Variants in ADARB2 observed in about 807,000 individuals in gnomAD.
ADARB2 encodes the protein adenosine deaminase RNA specific B2 (inactive).
A neutral mutation model predicts 62.2 loss-of-function variants in ADARB2; 25 were observed. That is an observed-to-expected ratio of 0.40 (90% CI 0.29 to 0.56). The LOEUF (loss-of-function observed/expected upper bound fraction) is 0.56. Among genes scored for constraint, ADARB2 ranks in the 20% least tolerant of loss-of-function variants. The pLI, the probability that ADARB2 is intolerant of heterozygous loss-of-function variation, is 0.43. For missense variants in ADARB2, 1,071 were observed against 1,077.4 expected, an observed-to-expected ratio of 0.99 and a Z score of 0.08; for synonymous variants, 572 against 500.8, an observed-to-expected ratio of 1.14 and a Z score of -1.90.
chr10:1,596,409 T>C (rs1470398459), intron 1 of ADARB2, among the ~76,000 whole-genome samples: 1 of 152,204 alleles, frequency 6.6e-6, no homozygotes, highest in Non-Finnish European at 1.5e-5. Context: ...TACTGCTCTA[T>C]AAATGATTTA....
chr10:1,668,364 A>C (rs1456622229), intron 1 of ADARB2, among the ~76,000 whole-genome samples: 1 of 152,212 alleles, frequency 6.6e-6, no homozygotes, highest in Non-Finnish European at 1.5e-5. Context: ...CAGTCAAAAT[A>C]CACTTCTCAA....
chr10:1,501,444 A>C (rs1831767541), intron 1 of ADARB2, among the ~76,000 whole-genome samples: 1 of 152,222 alleles, frequency 6.6e-6, no homozygotes, highest in Non-Finnish European at 1.5e-5. Context: ...TAAATTGCAG[A>C]GTACTGGGCC....
At chr10:1,434,451 T>C (rs1283113342) in intron 1 of ADARB2, among the ~76,000 whole-genome samples, 2 of 152,172 alleles carry the variant, frequency 1.3e-5, no homozygotes, top group East Asian at 3.9e-4. Context: ...TGTTTCAGTA[T>C]TGACTGGGTG....
intron 4 of ADARB2, among the ~76,000 whole-genome samples, chr10:1,263,755 C>T (rs995048222): frequency 6.6e-6 from 1 of 152,194 alleles, no homozygotes; most frequent in Non-Finnish European, 1.5e-5. Context: ...GGCTGCCAGT[C>T]CTCTCCTTAG....
intron 3 of ADARB2, among the ~76,000 whole-genome samples, chr10:1,319,716 G>T (rs898850582): frequency 2.6e-5 from 4 of 152,154 alleles, no homozygotes; most frequent in African/African-American, 9.7e-5. Flanking sequence ...GAATGCCAAG[G>T]CATTCTGTGC....
intron 1 of ADARB2, among the ~76,000 whole-genome samples, chr10:1,458,336 G>A (rs1462002939): frequency 6.6e-6 from 1 of 151,138 alleles, no homozygotes; most frequent in Non-Finnish European, 1.5e-5. Context: ...GGAGAAGAAG[G>A]AAAGGTCCCA....
At chr10:1,239,980 TC>T in intron 5 of ADARB2, among the ~76,000 whole-genome samples, 1 of 15,318 alleles carries the variant, frequency 6.5e-5, no homozygotes, top group African/African-American at 5.2e-4. Flanking sequence ...CGGTGTTCAC[TC>T]CCCTCTGCCT....
At chr10:1,303,964 A>G (rs1339861885) in intron 3 of ADARB2, among the ~76,000 whole-genome samples, 2 of 152,346 alleles carry the variant, frequency 1.3e-5, no homozygotes, top group East Asian at 3.9e-4. Flanking sequence ...AAACTGCATC[A>G]ACTAATGAGC....
intron 1 of ADARB2, among the ~76,000 whole-genome samples, chr10:1,567,324 C>T (rs1832871846): frequency 6.6e-6 from 1 of 152,246 alleles, no homozygotes; most frequent in African/African-American, 2.4e-5. Flanking sequence ...TGCTCTTTCT[C>T]CCAACGTGCT....
At chr10:1,597,995 T>C (rs1217127354) in intron 1 of ADARB2, among the ~76,000 whole-genome samples, 1 of 152,192 alleles carries the variant, frequency 6.6e-6, no homozygotes, top group Non-Finnish European at 1.5e-5. Context: ...CTGGAGACCA[T>C]TGTCCTAAGA....
In ADARB2 at chr10:1,340,169, A is replaced by G. The variant is rs36020731; in HGVS notation, c.1077+22859T>C. ...TAACCAGCATCCACCAGAGAACCAC[A>G]CACCCCACAGCGGCAATAACCGGCA... On this transcript the variant is annotated intron_variant, in intron 3 of 9. Transcript: ENST00000381312. Among the ~76,000 whole-genome samples the G allele has an allele frequency of 5.8e-3, 685 of 118,978 alleles. 6 individuals are homozygous for G. Among genetic ancestry groups the G allele is most frequent in the African/African-American group, 0.011 (318 of 28,358 alleles). The allele number at this position is 118,978 out of a possible 152,430, so 78.1% of individuals were successfully genotyped here.
intron 1 of ADARB2, among the ~76,000 whole-genome samples, chr10:1,729,537 A>C (rs969482342): frequency 1.3e-5 from 2 of 152,100 alleles, no homozygotes; most frequent in Non-Finnish European, 2.9e-5. Flanking sequence ...ATTAAATTGC[A>C]TTTTTTTCCC....
intron 1 of ADARB2, among the ~76,000 whole-genome samples, chr10:1,465,161 C>G (rs1054572782): frequency 1.3e-5 from 2 of 152,166 alleles, no homozygotes; most frequent in African/African-American, 4.8e-5. Flanking sequence ...GTTTATGTGT[C>G]CTTCTCAAAA....
intron 4 of ADARB2, among the ~76,000 whole-genome samples, chr10:1,245,508 C>T (rs1258499050): frequency 7.3e-6 from 1 of 137,614 alleles, no homozygotes; most frequent in East Asian, 2.5e-4. Context: ...CCACAACAGG[C>T]CCCGGTGTGT....
intron 1 of ADARB2, among the ~76,000 whole-genome samples, chr10:1,657,973 CTA>C (rs1834193333): frequency 1.1e-5 from 1 of 87,250 alleles, no homozygotes; most frequent in African/African-American, 3.5e-5. Context: ...CAGTCTCTCT[CTA>C]TCTCAGTCTC....
chr10:1,664,081 C>G (rs1361211101), intron 1 of ADARB2, among the ~76,000 whole-genome samples: 1 of 152,178 alleles, frequency 6.6e-6, no homozygotes, highest in African/African-American at 2.4e-5. Context: ...CCTGTGTTTT[C>G]ACGCCTGTGG....
chr10:1,209,897 T>C (rs1564221442), intron 7 of ADARB2, among the ~76,000 whole-genome samples: 1 of 152,232 alleles, frequency 6.6e-6, no homozygotes, highest in Non-Finnish European at 1.5e-5. Context: ...CACAATGTTT[T>C]ACGGCTCATT....
chr10:1,652,814 T>A (rs1343587660), intron 1 of ADARB2, among the ~76,000 whole-genome samples: 3 of 152,132 alleles, frequency 2.0e-5, no homozygotes, highest in Non-Finnish European at 4.4e-5. Context: ...TTTGCCCTCT[T>A]ATCACCCCCC....
At chr10:1,478,806 A>C (rs1207534131) in intron 1 of ADARB2, among the ~76,000 whole-genome samples, 1 of 151,810 alleles carries the variant, frequency 6.6e-6, no homozygotes, top group East Asian at 1.9e-4. Context: ...GAGCACCAAA[A>C]TAAGGACCTT....
Sources: gnomAD v4.1 joint callset for allele counts (sites outside exome capture counted in the v4.1 genomes callset) on GRCh38, gnomAD v4.1.1 for gene constraint, MANE v1.5 for transcripts, NCBI Gene and HGNC (gene_info 2026-07-23, HGNC 2026-07-21) for gene names.